Variants in CRACR2A observed in about 807,000 individuals in gnomAD.
CRACR2A encodes calcium release activated channel regulator 2A.
Under a neutral mutation model 90.5 loss-of-function variants are expected in CRACR2A, and 79 were observed. The ratio of observed to expected loss-of-function variants is 0.87; its 90% CI spans 0.73 to 1.05. The LOEUF (loss-of-function observed/expected upper bound fraction) is 1.05. Among genes scored for constraint, CRACR2A ranks in the 50% least tolerant of loss-of-function variants. The pLI is 0.00. For synonymous variants in CRACR2A, 338 were observed against 356.7 expected (o/e 0.95, Z 0.59); for missense variants, 823 against 897.2 (o/e 0.92, Z 1.06).
At chr12:3,721,921 C>A (rs1460164638) in intron 2 of CRACR2A, among the ~76,000 whole-genome samples, 2 of 152,126 alleles carry the variant, frequency 1.3e-5, no homozygotes, top group Non-Finnish European at 2.9e-5. Flanking sequence ...GAACAGGGTG[C>A]ACTGGCACAA....
At chr12:3,628,578 A>T (rs1159551648) in intron 15 of CRACR2A, among the ~76,000 whole-genome samples, 1 of 152,214 alleles carries the variant, frequency 6.6e-6, no homozygotes, top group Non-Finnish European at 1.5e-5. Context: ...TGCATTCTGC[A>T]TCCCACAGCA....
intron 7 of CRACR2A, chr12:3,672,779 G>T (rs1050374403): frequency 1.0e-6 from 1 of 985,436 alleles, no homozygotes; most frequent in Admixed American, 6.1e-5. Context: ...TCAGGGCTGT[G>T]AGTGAGGAGG....
chr12:3,665,059 T>C (rs1241255203), intron 7 of CRACR2A, among the ~76,000 whole-genome samples: 2 of 152,084 alleles, frequency 1.3e-5, no homozygotes, highest in Admixed American at 6.5e-5. Context: ...ATGGTATCTA[T>C]TTAATTATTT....
intron 2 of CRACR2A, among the ~76,000 whole-genome samples, chr12:3,722,617 C>A (rs740714): frequency 0.19 from 28,810 of 152,102 alleles, 3,302 homozygotes; most frequent in Middle Eastern, 0.28. Context: ...GCACATTTAT[C>A]ATTTCTGATG....
At chr12:3,618,146 G>A (rs748097898) in intron 18 of CRACR2A, among the ~76,000 whole-genome samples, 58 of 149,406 alleles carry the variant, frequency 3.9e-4, no homozygotes, top group African/African-American at 1.3e-3. Context: ...CTTAACTCCC[G>A]AGTCTTAGTT....
intron 2 of CRACR2A, among the ~76,000 whole-genome samples, chr12:3,724,771 A>G (rs1436768271): frequency 6.6e-6 from 1 of 152,146 alleles, no homozygotes; most frequent in Non-Finnish European, 1.5e-5. Context: ...GGTGGAGTGC[A>G]CCCTGGAGGG....
intron 2 of CRACR2A, among the ~76,000 whole-genome samples, chr12:3,717,917 C>T (rs1327789492): frequency 6.6e-6 from 1 of 152,144 alleles, no homozygotes; most frequent in Non-Finnish European, 1.5e-5. Flanking sequence ...GGCTCAGGAT[C>T]CTGTGCTCAG....
intron 2 of CRACR2A, among the ~76,000 whole-genome samples, 176 bp from the exon 3 acceptor site, chr12:3,713,493 G>C (rs1269940180): frequency 6.6e-6 from 1 of 152,198 alleles, no homozygotes; most frequent in Non-Finnish European, 1.5e-5. Context: ...GAAGAGGAGG[G>C]AAGATGAAGG....
intron 12 of CRACR2A, among the ~76,000 whole-genome samples, chr12:3,644,275 T>A (rs958805110): frequency 1.3e-5 from 2 of 151,914 alleles, no homozygotes; most frequent in Non-Finnish European, 1.5e-5. Flanking sequence ...GCATTTTGGT[T>A]TAGAAGTGAT....
chr12:3,627,207 A>G (rs1944280924), intron 17 of CRACR2A, among the ~76,000 whole-genome samples: 1 of 152,052 alleles, frequency 6.6e-6, no homozygotes, highest in Non-Finnish European at 1.5e-5. Context: ...CCCTCTCTCC[A>G]TGAGGGCAGG....
chr12:3,647,982 G>A (rs1198126909), intron 11 of CRACR2A: 2 of 985,470 alleles, frequency 2.0e-6, no homozygotes, highest in Non-Finnish European at 2.4e-6. Flanking sequence ...GTCTTTGAAG[G>A]CTGAGAAAGC....
At chr12:3,734,212 C>T (rs563150872) in intron 1 of CRACR2A, among the ~76,000 whole-genome samples, 33 of 151,994 alleles carry the variant, frequency 2.2e-4, no homozygotes, top group Admixed American at 2.0e-3. Flanking sequence ...CTCCTGACCT[C>T]GTGATCTGCC....
Position 3,726,684 on chromosome 12 carries a change from G to A in CRACR2A, c.-118+6258C>T, listed in dbSNP as rs1373134479. ...AAGGAAGCACAGGATCCTGTCTCGT[G>A]AGCTCAGTCTTACGTATAAGTGTAG... On this transcript the variant is annotated intron_variant, in intron 2 of 19. Coordinates refer to ENST00000440314, the MANE Select transcript of CRACR2A (RefSeq NM_001144958.2). 3 of 152,088 alleles carry A rather than the reference G, an allele frequency of 2.0e-5. No individual in the cohort carries two copies. The East Asian group carries it at 5.8e-4, about 29-fold the overall frequency. The allele number at this position is 152,088 out of a possible 1,614,324, so 9.4% of individuals were successfully genotyped here.
intron 2 of CRACR2A, 176 bp downstream of exon 2, chr12:3,732,766 G>A (rs1215513320): frequency 6.6e-6 from 1 of 152,234 alleles, no homozygotes; most frequent in East Asian, 1.9e-4. Flanking sequence ...GGTGGTTTGA[G>A]AGTCCACTTT....
intron 3 of CRACR2A, among the ~76,000 whole-genome samples, 155 bp downstream of exon 3, chr12:3,713,082 C>A (rs748926063): frequency 6.6e-6 from 1 of 152,026 alleles, no homozygotes; most frequent in Admixed American, 6.6e-5. Flanking sequence ...AGAAGGCTGA[C>A]GAATTGTTTC....
At position 3,659,606 on chromosome 12, in the gene CRACR2A, C is replaced by T; in HGVS notation, c.720G>A (p.Met240Ile). The T allele has an allele frequency of 1.2e-6, 2 of 1,614,162 alleles. No homozygotes were observed. Among genetic ancestry groups the T allele is most frequent in the South Asian group, 1.1e-5 (1 of 91,084 alleles). The change falls in exon 8 of 20, where the codon ATG (methionine) becomes ATA (isoleucine). Residue 240 changes from methionine to isoleucine, a missense_variant. Physicochemically the swap from Met to Ile is conservative, Grantham distance 10. Transcript: ENST00000440314. ...DEEIQHLYEE[M>I]EQQIKSEKEQ... ...CCTTCTCACTTTTGATTTGTTGTTCCATCTCCTCATAGAGATGCTGGATTT... is the reference window on the plus strand; with the variant it reads ...CCTTCTCACTTTTGATTTGTTGTTCTATCTCCTCATAGAGATGCTGGATTT...
intron 4 of CRACR2A, among the ~76,000 whole-genome samples, chr12:3,687,955 T>C (rs1945592074): frequency 6.6e-6 from 1 of 152,256 alleles, no homozygotes; most frequent in South Asian, 2.1e-4. Flanking sequence ...ATGACCTTTT[T>C]TTCATATGCT....
In CRACR2A at chr12:3,678,979, C is replaced by T. The variant is rs242018; in HGVS notation, c.460G>A (p.Glu154Lys). 450,954 of 1,612,268 alleles carry T rather than the reference C, an allele frequency of 0.28. 64,638 individuals are homozygous for T. The highest frequency in any genetic ancestry group is 0.35 in the Admixed American group (21,111 of 59,740). Residue 154 changes from glutamate to lysine, a missense_variant, in exon 6 of 20, where the codon GAA becomes AAA. Physicochemically the swap from Glu to Lys is moderately conservative, Grantham distance 56. Coordinates refer to ENST00000440314, the MANE Select transcript of CRACR2A (RefSeq NM_001144958.2). ...ATCCGGAACTGGGCTTCCTCATCTT[C>T]GCCCATGTCGCCCAGATCCTCATCC... The part of the protein sequence containing the change: ...RGDEDLGDMG[E>K]DEEAQFRMLM...
At chr12:3,664,193 A>G (rs934674978) in intron 7 of CRACR2A, among the ~76,000 whole-genome samples, 1 of 152,224 alleles carries the variant, frequency 6.6e-6, no homozygotes, top group African/African-American at 2.4e-5. Flanking sequence ...TTCTAGTTTT[A>G]TTATATTATA....
Sources: gnomAD v4.1 joint callset for allele counts (sites outside exome capture counted in the v4.1 genomes callset) on GRCh38, gnomAD v4.1.1 for gene constraint, MANE v1.5 for transcripts, NCBI Gene and HGNC (gene_info 2026-07-23, HGNC 2026-07-21) for gene names.